CSMD1: variants seen among roughly 807,000 people sequenced by gnomAD.
CSMD1 encodes the protein CUB and sushi domain-containing protein 1.
A neutral mutation model predicts 417.5 loss-of-function variants in CSMD1; 213 were observed. The ratio of observed to expected loss-of-function variants is 0.51; its 90% CI spans 0.46 to 0.57. The LOEUF is 0.57. CSMD1 is among the 20% of genes least tolerant of loss of function. CSMD1 has a pLI of 0.00. For synonymous variants in CSMD1, 2,862 were observed against 1,736.8 expected, an observed-to-expected ratio of 1.65 and a Z score of -16.11; for missense variants, 6,923 against 4,529.7, an observed-to-expected ratio of 1.53 and a Z score of -15.17.
intron 3 of CSMD1, among the ~76,000 whole-genome samples, chr8:4,228,555 T>A (rs1251563857): frequency 6.6e-6 from 1 of 151,026 alleles, no homozygotes; most frequent in East Asian, 2.0e-4. Context: ...GGCTGTACTT[T>A]TAGTATCCTT....
At chr8:4,672,804 G>T (rs150562057) in intron 1 of CSMD1, among the ~76,000 whole-genome samples, 2 of 151,516 alleles carry the variant, frequency 1.3e-5, no homozygotes, top group Non-Finnish European at 2.9e-5. Flanking sequence ...ACACTCACAT[G>T]CATGGTAACA....
chr8:3,882,127 A>G (rs1806244880), intron 5 of CSMD1, among the ~76,000 whole-genome samples: 1 of 152,204 alleles, frequency 6.6e-6, no homozygotes, highest in African/African-American at 2.4e-5. Flanking sequence ...AAGTGAGAAA[A>G]AATCATCACA....
At chr8:3,242,874 G>C (rs1410335783) in intron 26 of CSMD1, among the ~76,000 whole-genome samples, 3 of 152,034 alleles carry the variant, frequency 2.0e-5, no homozygotes, top group Non-Finnish European at 4.4e-5. Context: ...TCGGGGTACA[G>C]AGATAAGAGG....
chr8:3,332,636 A>G (rs1450089206), intron 23 of CSMD1, among the ~76,000 whole-genome samples: 1 of 152,260 alleles, frequency 6.6e-6, no homozygotes, highest in African/African-American at 2.4e-5. Context: ...CCTTTATTAA[A>G]TATATACTTT....
rs562472350 is a variant in CSMD1 at position 4,829,667 on chromosome 8, G to T, written c.85+164665C>A. Among the ~76,000 whole-genome samples the T allele has an allele frequency of 3.3e-5, 5 of 151,394 alleles. No individual in the cohort carries two copies. In the South Asian group the frequency reaches 1.0e-3, roughly 32 times the overall value. Reference sequence around the variant, plus strand: ...AGGAGGGGGGATCGCTTAAATCCAGGATGTGGGAGCTTCAGTGACATCTTT... The same window carrying T: ...AGGAGGGGGGATCGCTTAAATCCAGTATGTGGGAGCTTCAGTGACATCTTT... On this transcript the variant is annotated intron_variant, in intron 1 of 69. Transcript: ENST00000635120.
chr8:3,299,909 C>T lies in CSMD1; in HGVS notation c.3950+7786G>A, dbSNP rs568364923. Among the ~76,000 whole-genome samples, 15 of 152,278 alleles carry T rather than the reference C, an allele frequency of 9.9e-5. No homozygotes were observed. The South Asian group carries it at 3.1e-3, about 32-fold the overall frequency. On this transcript the variant is annotated intron_variant, in intron 25 of 69. Transcript: ENST00000635120. ...TGTACTGCTGGTGGTATATCTACTC[C>T]TTTTAGAGGCAATTTGGTAATGGCT...
chr8:4,131,963 A>T (rs1803134765), intron 3 of CSMD1, among the ~76,000 whole-genome samples: 1 of 151,808 alleles, frequency 6.6e-6, no homozygotes, highest in Non-Finnish European at 1.5e-5. Flanking sequence ...ACCGGCTTTC[A>T]CCATGTTAGC....
chr8:4,710,911 A>G (rs1023259608), intron 1 of CSMD1, among the ~76,000 whole-genome samples: 16 of 151,894 alleles, frequency 1.1e-4, no homozygotes, highest in Non-Finnish European at 2.1e-4. Flanking sequence ...TAACTAGAAA[A>G]TGGCCTGAGT....
At chr8:4,236,990 C>T (rs952307604) in intron 3 of CSMD1, among the ~76,000 whole-genome samples, 16 of 152,314 alleles carry the variant, frequency 1.1e-4, no homozygotes, top group Admixed American at 1.0e-3. Flanking sequence ...TATTTTCTCA[C>T]ACACACAAGA....
chr8:3,566,475 C>T (rs2116894222), intron 10 of CSMD1, among the ~76,000 whole-genome samples: 1 of 152,200 alleles, frequency 6.6e-6, no homozygotes, highest in South Asian at 2.1e-4. Context: ...GCACCTCCAC[C>T]AGCCCCTCCT....
chr8:3,056,016 G>A (rs1339628024), intron 49 of CSMD1, among the ~76,000 whole-genome samples: 1 of 152,172 alleles, frequency 6.6e-6, no homozygotes, highest in Admixed American at 6.5e-5. Context: ...ATTATACGCA[G>A]AAAATCTAAT....
intron 1 of CSMD1, among the ~76,000 whole-genome samples, chr8:4,818,366 CA>C (rs1383932185): frequency 1.3e-5 from 2 of 152,144 alleles, no homozygotes; most frequent in Non-Finnish European, 2.9e-5. Flanking sequence ...AATGTTCCTT[CA>C]ATAAGTGCCA....
At chr8:3,867,886 G>T (rs115989150) in intron 5 of CSMD1, among the ~76,000 whole-genome samples, 4,428 of 151,968 alleles carry the variant, frequency 0.029, 122 homozygotes, top group African/African-American at 0.065. Flanking sequence ...TTCCTGAACC[G>T]TTCCCAAGAC....
At chr8:4,054,027 G>A (rs563586070) in intron 3 of CSMD1, among the ~76,000 whole-genome samples, 2 of 152,272 alleles carry the variant, frequency 1.3e-5, no homozygotes, top group South Asian at 4.1e-4. Context: ...CATGGCCACA[G>A]CTTTGCTTAG....
In CSMD1 at chr8:4,033,570, T is replaced by G. The variant is rs182845997; in HGVS notation, c.416-1471A>C. 9.1e-4 allele frequency among the ~76,000 whole-genome samples: 138 copies of G among 152,338 alleles called. 2 individuals are homozygous for G. The highest frequency in any genetic ancestry group is 3.3e-3 in the African/African-American group (136 of 41,580). On this transcript the variant is annotated intron_variant, in intron 3 of 69. Transcript: ENST00000635120. ...CTGAAGTGTATTGATTGATGTCTTA[T>G]GTCTCCCTACAATGTGTAAAACTAA...
At chr8:3,392,808 C>T (rs1396421018) in intron 17 of CSMD1, among the ~76,000 whole-genome samples, 1 of 152,034 alleles carries the variant, frequency 6.6e-6, no homozygotes, top group Non-Finnish European at 1.5e-5. Flanking sequence ...ACGGGGACAC[C>T]CTCTGAGTGG....
At chr8:3,744,106 T>TGGCAA (rs986546805) in intron 6 of CSMD1, among the ~76,000 whole-genome samples, 7 of 152,190 alleles carry the variant, frequency 4.6e-5, no homozygotes, top group Non-Finnish European at 8.8e-5. Flanking sequence ...TCCTTCCCTT[T>TGGCAA]GGCAAGTAAA....
chr8:3,335,515 T>C (rs980073740), intron 23 of CSMD1, among the ~76,000 whole-genome samples: 8 of 152,048 alleles, frequency 5.3e-5, no homozygotes, highest in Non-Finnish European at 8.8e-5. Context: ...CCGTCTCTAC[T>C]AAAAATACAA....
intron 3 of CSMD1, among the ~76,000 whole-genome samples, chr8:4,057,655 T>G (rs1798765761): frequency 3.1e-5 from 1 of 31,816 alleles, no homozygotes; most frequent in Admixed American, 2.2e-4. Context: ...TCTAGGGTTT[T>G]TATAGTTTTA....
Sources: allele counts gnomAD v4.1 joint callset (sites outside exome capture counted in the v4.1 genomes callset), GRCh38; gene constraint gnomAD v4.1.1; transcripts MANE v1.5; gene names NCBI Gene and HGNC (gene_info 2026-07-23, HGNC 2026-07-21).